FXR2: variants seen among roughly 807,000 people sequenced by gnomAD.
FXR2 encodes FMR1 autosomal homolog 2, also known as RNA-binding protein FXR2.
A neutral mutation model predicts 87.3 loss-of-function variants in FXR2; 9 were observed. That is an observed-to-expected ratio of 0.10 (90% CI 0.06 to 0.18). The LOEUF (loss-of-function observed/expected upper bound fraction) is 0.18, where lower values mean the gene tolerates loss of function less well. Ranked by LOEUF, FXR2 falls within the 10% of genes least tolerant of loss-of-function variation. The pLI, the probability that FXR2 is intolerant of heterozygous loss-of-function variation, is 1.00. For missense variants in FXR2, 661 were observed against 893.6 expected (o/e 0.74, Z 3.32); for synonymous variants, 331 against 328.3 (o/e 1.01, Z -0.09).
intron 3 of FXR2, 75 bp downstream of exon 3, chr17:7,605,570 C>A (rs906661878): frequency 1.3e-6 from 1 of 791,590 alleles, no homozygotes; most frequent in Non-Finnish European, 2.2e-6. Flanking sequence ...GAGGAAGGAA[C>A]ATGAACCAAC....
At chr17:7,608,916 C>T (rs149356932) in intron 1 of FXR2, among the ~76,000 whole-genome samples, 112 of 152,198 alleles carry the variant, frequency 7.4e-4, no homozygotes, top group African/African-American at 2.6e-3. Flanking sequence ...ATTAGAGAGC[C>T]CATACAACAC....
At position 7,592,608 on chromosome 17, in the gene FXR2, T is replaced by C. The variant is rs1567747469; in HGVS notation, c.1730-9A>G. The C allele has an allele frequency of 3.7e-6, 6 of 1,612,740 alleles. No homozygotes were observed. The highest frequency in any genetic ancestry group is 4.5e-5 in the East Asian group (2 of 44,824). On this transcript the variant is annotated splice_polypyrimidine_tract_variant and intron_variant, in intron 14 of 16. Coordinates refer to ENST00000250113, the MANE Select transcript of FXR2 (RefSeq NM_004860.4). This position sits in a 1 kb window ranked among gnomAD's most constrained non-coding sequence, Gnocchi z 4.8. ...AGGTCTTGATTCATCTTCTGTAGGG[T>C]AGGAAAAAACCAGAGTCACACATCC...
intron 1 of FXR2, among the ~76,000 whole-genome samples, chr17:7,612,230 T>C (rs556015731): frequency 1.3e-5 from 2 of 152,250 alleles, no homozygotes; most frequent in East Asian, 3.9e-4. Flanking sequence ...GGACTCAACT[T>C]AAGAATCACT....
intron 6 of FXR2, 112 bp downstream of exon 6, chr17:7,602,797 G>C: frequency 1.6e-6 from 1 of 634,498 alleles, no homozygotes; most frequent in South Asian, 2.0e-5. Flanking sequence ...AAGTCCTCTT[G>C]ACAAATAAAT....
At chr17:7,610,007 T>TATATATACACATGCATATGTATAC (rs1567754038) in intron 1 of FXR2, among the ~76,000 whole-genome samples, 1 of 76,964 alleles carries the variant, frequency 1.3e-5, no homozygotes, top group Non-Finnish European at 2.9e-5. Context: ...TATGTATACA[T>TATATATACACATGCATATGTATAC]ATATATATAC....
chr17:7,605,404 G>C (rs895379073), intron 3 of FXR2, among the ~76,000 whole-genome samples: 2 of 152,060 alleles, frequency 1.3e-5, no homozygotes, highest in African/African-American at 4.8e-5. Context: ...AAAATCAGAG[G>C]GCACTGGATT....
At chr17:7,611,406 G>A (rs1030571453) in intron 1 of FXR2, among the ~76,000 whole-genome samples, 1 of 152,142 alleles carries the variant, frequency 6.6e-6, no homozygotes. Context: ...GGTGGCTCAC[G>A]CCTGTAATCC....
intron 1 of FXR2, among the ~76,000 whole-genome samples, chr17:7,608,830 T>G (rs1259914105): frequency 1.3e-5 from 2 of 152,218 alleles, no homozygotes; most frequent in African/African-American, 4.8e-5. Context: ...TGTCAAAACT[T>G]AACAAATGGC....
At chr17:7,603,379 T>G (rs1382435375) in intron 5 of FXR2, among the ~76,000 whole-genome samples, 1 of 150,406 alleles carries the variant, frequency 6.6e-6, no homozygotes, top group Admixed American at 6.6e-5. Context: ...AATACAAAAT[T>G]AGCCGGGTGT....
intron 7 of FXR2, among the ~76,000 whole-genome samples, chr17:7,601,180 CAAAA>C (rs35065111): frequency 1.8e-4 from 14 of 79,352 alleles, no homozygotes; most frequent in Non-Finnish European, 3.5e-4. Context: ...CTCTGTCTCC[CAAAA>C]AAAAAAAAAA....
intron 7 of FXR2, among the ~76,000 whole-genome samples, chr17:7,598,725 T>TA (rs1248827425): frequency 6.6e-6 from 1 of 151,830 alleles, no homozygotes; most frequent in Non-Finnish European, 1.5e-5. Context: ...CAACAAAAAT[T>TA]AGGCCGGGTG....
At chr17:7,611,661 C>T (rs2071865998) in intron 1 of FXR2, among the ~76,000 whole-genome samples, 1 of 151,776 alleles carries the variant, frequency 6.6e-6, no homozygotes, top group Admixed American at 6.6e-5. Context: ...GAGGGAGACC[C>T]TGTCTCAAAT....
intron 7 of FXR2, chr17:7,596,316 C>T (rs1003045797): frequency 1.6e-5 from 3 of 183,914 alleles, no homozygotes; most frequent in African/African-American, 7.1e-5. Context: ...CACCACCATG[C>T]CTGGCTAATT....
In FXR2 at chr17:7,591,893, G is replaced by C. The variant is rs2071664667; in HGVS notation, c.1959C>G (p.Pro653=). 2 of 1,604,800 alleles carry C rather than the reference G, an allele frequency of 1.2e-6. No homozygotes were observed. The highest frequency in any genetic ancestry group is 1.1e-5 in the South Asian group (1 of 90,910). The change falls in exon 17 of 17, where the codon CCC becomes CCG. Residue 653 remains proline, a synonymous_variant. Transcript: ENST00000250113. The surrounding 1 kb of genome is among the most constrained non-coding windows in gnomAD (Gnocchi z 4.0). ...GDSVSKLPKG[P]SENGELSAPL... is the part of the protein sequence containing the mutation. ...GGGCGGAGAGCTCCCCATTCTCCGA[G>C]GGGCCCTTAGGAAGCTTGCTGACAG...
intron 3 of FXR2, among the ~76,000 whole-genome samples, chr17:7,605,017 C>G (rs1200280480): frequency 6.6e-6 from 1 of 151,904 alleles, no homozygotes; most frequent in Non-Finnish European, 1.5e-5. Context: ...GCCACTGCAT[C>G]CAGCCTGGGA....
intron 1 of FXR2, among the ~76,000 whole-genome samples, chr17:7,611,201 C>T (rs1281993875): frequency 1.3e-5 from 2 of 151,918 alleles, no homozygotes; most frequent in Non-Finnish European, 2.9e-5. Context: ...ACGTCTTAAG[C>T]ATGATGACTG....
rs747792394 is a variant in FXR2, at chr17:7,592,903, A to T, written c.1529-9T>A. On this transcript the variant is annotated splice_polypyrimidine_tract_variant and intron_variant, in intron 13 of 16. Coordinates refer to ENST00000250113, the MANE Select transcript of FXR2 (RefSeq NM_004860.4). The surrounding 1 kb of genome is among the most constrained non-coding windows in gnomAD (Gnocchi z 4.8). ...GTCTGGATCCTTCAGCACTGGTCAGAGGAAGAAGAGGAGGAGTTGGCAGTC... is the reference window on the plus strand; with the variant it reads ...GTCTGGATCCTTCAGCACTGGTCAGTGGAAGAAGAGGAGGAGTTGGCAGTC... 1 of 1,559,116 alleles carries T rather than the reference A, an allele frequency of 6.4e-7. No homozygotes were observed. Among genetic ancestry groups the T allele is most frequent in the Admixed American group, 1.9e-5 (1 of 51,680 alleles).
chr17:7,593,866 C>A lies in FXR2; in HGVS notation c.1107+52G>T. 1 of 1,127,208 alleles carries A rather than the reference C, an allele frequency of 8.9e-7. No individual in the cohort carries two copies. Among genetic ancestry groups the A allele is most frequent in the Non-Finnish European group, 1.4e-6 (1 of 735,972 alleles). The allele number at this position is 1,127,208 out of a possible 1,614,324, so 69.8% of individuals were successfully genotyped here. A position where few individuals can be genotyped will look rare whatever the true frequency, so the allele number is the denominator to read the frequency against. On this transcript the variant is annotated intron_variant, in intron 11 of 16. Coordinates refer to ENST00000250113, the MANE Select transcript of FXR2 (RefSeq NM_004860.4). The surrounding 1 kb of genome is among the most constrained non-coding windows in gnomAD (Gnocchi z 6.1). ...AAAATCCCTGAGCTGACCCCCACAG[C>A]AGTCTTAGTTCCCTTTTCACACCCA...
rs1041077217 is a variant in FXR2, at chr17:7,608,478, G to A, written c.82-2329C>T. ...ATAATAATATATAAATTAGCCAGGCGTGGTGGCACATGGCTGTAACCTCAG... is the reference window on the plus strand; with the variant it reads ...ATAATAATATATAAATTAGCCAGGCATGGTGGCACATGGCTGTAACCTCAG... On this transcript the variant is annotated intron_variant, in intron 1 of 16. Transcript: ENST00000250113. 2.7e-5 allele frequency among the ~76,000 whole-genome samples: 4 copies of A among 150,612 alleles called. No individual in the cohort carries two copies. The South Asian group carries it at 8.4e-4, about 31-fold the overall frequency.
Sources: gnomAD v4.1 joint callset for allele counts (sites outside exome capture counted in the v4.1 genomes callset) on GRCh38, gnomAD v4.1.1 for gene constraint, Gnocchi (gnomAD v3.1) non-coding constraint, MANE v1.5 for transcripts, NCBI Gene and HGNC (gene_info 2026-07-23, HGNC 2026-07-21) for gene names.